Variants in PPP1R37 observed in about 807,000 individuals in gnomAD.
PPP1R37 encodes the protein leucine rich repeat containing 68.
PPP1R37 carries 21 observed loss-of-function variants against 61.0 expected under a neutral mutation model. That is an observed-to-expected ratio of 0.34 (90% CI 0.24 to 0.50). PPP1R37 has a LOEUF of 0.50. Ranked by LOEUF, PPP1R37 falls within the 20% of genes least tolerant of loss-of-function variation. The probability of loss-of-function intolerance (pLI) is 0.98; values close to 1 mark genes in which losing one functional copy is unlikely to be tolerated. For synonymous variants in PPP1R37, 443 were observed against 433.5 expected (o/e 1.02, Z -0.27); for missense variants, 910 against 952.7 (o/e 0.96, Z 0.59).
At chr19:45,102,820 A>C (rs1409693006) in intron 1 of PPP1R37, among the ~76,000 whole-genome samples, 1 of 152,198 alleles carries the variant, frequency 6.6e-6, no homozygotes, top group East Asian at 1.9e-4. Flanking sequence ...CCCTGCATCA[A>C]GTGTGGAGCT....
intron 1 of PPP1R37, among the ~76,000 whole-genome samples, chr19:45,109,617 A>G (rs1161585512): frequency 6.6e-6 from 1 of 152,198 alleles, no homozygotes; most frequent in Non-Finnish European, 1.5e-5. Flanking sequence ...GGCAGAAGCC[A>G]GGGCAGCCCT....
intron 1 of PPP1R37, among the ~76,000 whole-genome samples, chr19:45,125,860 C>A (rs538890199): frequency 6.6e-6 from 1 of 152,334 alleles, no homozygotes; most frequent in African/African-American, 2.4e-5. Context: ...TGGCCTCAGA[C>A]CTCTTCGTCC....
intron 1 of PPP1R37, among the ~76,000 whole-genome samples, chr19:45,120,324 C>G (rs1466396380): frequency 1.3e-5 from 2 of 152,120 alleles, no homozygotes; most frequent in Admixed American, 6.5e-5. Context: ...GCTTTCCCCA[C>G]TTCTTGCATA....
intron 1 of PPP1R37, among the ~76,000 whole-genome samples, chr19:45,132,277 A>G (rs1414169754): frequency 1.3e-5 from 2 of 152,110 alleles, no homozygotes; most frequent in Non-Finnish European, 2.9e-5. Context: ...AACAAGAGGA[A>G]TGTAAAAGCT....
chr19:45,138,858 G>A (rs940748732), intron 2 of PPP1R37, among the ~76,000 whole-genome samples: 4 of 151,672 alleles, frequency 2.6e-5, no homozygotes, highest in African/African-American at 9.7e-5. Context: ...CTGGGGAAGA[G>A]GCATATCTAC....
chr19:45,101,902 A>G (rs891771087), intron 1 of PPP1R37, among the ~76,000 whole-genome samples: 1 of 152,218 alleles, frequency 6.6e-6, no homozygotes, highest in Non-Finnish European at 1.5e-5. Flanking sequence ...CTTCTTCATC[A>G]GATTCCTCTG....
At chr19:45,120,367 C>G (rs1277616937) in intron 1 of PPP1R37, among the ~76,000 whole-genome samples, 1 of 152,120 alleles carries the variant, frequency 6.6e-6, no homozygotes, top group Non-Finnish European at 1.5e-5. Flanking sequence ...CCGTTCTGCA[C>G]CTTGCTTTTT....
chr19:45,133,937 C>T (rs1178341617), intron 1 of PPP1R37, among the ~76,000 whole-genome samples: 1 of 152,220 alleles, frequency 6.6e-6, no homozygotes, highest in Admixed American at 6.5e-5. Flanking sequence ...TGTGAAATGC[C>T]TCGGGTAGCA....
chr19:45,145,842 C>G lies in PPP1R37; in HGVS notation c.1786C>G (p.Pro596Ala). The G allele has an allele frequency of 6.9e-7, 1 of 1,456,376 alleles. No individual in the cohort carries two copies. The highest frequency in any genetic ancestry group is 9.2e-7 in the Non-Finnish European group (1 of 1,088,608). The allele number at this position is 1,456,376 out of a possible 1,614,324, so 90.2% of individuals were successfully genotyped here. Residue 596 changes from proline to alanine, a missense_variant, in exon 11 of 13, where the codon CCC (proline) becomes GCC (alanine). Pro to Ala is a conservative substitution (Grantham distance 27). Around this residue, in one of 3 missense-constraint regions of PPP1R37, gnomAD observed 549 missense variants for 505.1 expected, o/e 1.09. Coordinates refer to ENST00000221462, the MANE Select transcript of PPP1R37 (RefSeq NM_019121.2). The part of the protein sequence containing the change: ...SPTPPSPPPP[P>A]SPPASPSLPP... Reference sequence around the variant, plus strand: ...CACCCCTCCCTCTCCCCCACCCCCTCCCTCCCCACCCGCCTCACCTTCCCT... The same window carrying G: ...CACCCCTCCCTCTCCCCCACCCCCTGCCTCCCCACCCGCCTCACCTTCCCT...
chr19:45,099,967 G>A (rs1217473928), intron 1 of PPP1R37: 2 of 152,234 alleles, frequency 1.3e-5, no homozygotes, highest in Non-Finnish European at 2.9e-5. Context: ...GTGCGTCAGC[G>A]GGAGTGCGTG....
intron 1 of PPP1R37, among the ~76,000 whole-genome samples, chr19:45,095,376 A>AT (rs1040478611): frequency 6.6e-6 from 1 of 152,090 alleles, no homozygotes; most frequent in African/African-American, 2.4e-5. Context: ...ACCTCAGGTG[A>AT]TCTGCCCACT....
chr19:45,128,859 AC>A (rs1320262651), intron 1 of PPP1R37: 1 of 632,572 alleles, frequency 1.6e-6, no homozygotes, highest in Non-Finnish European at 3.0e-6. Flanking sequence ...CCAGGAAGGT[AC>A]CCCTCACTGC....
intron 1 of PPP1R37, among the ~76,000 whole-genome samples, chr19:45,127,083 C>T (rs1022515511): frequency 6.6e-6 from 1 of 152,208 alleles, no homozygotes; most frequent in Non-Finnish European, 1.5e-5. Context: ...GGCCTGGTGG[C>T]TCACACCTGT....
Position 45,138,551 on chromosome 19 carries a change from C to T in PPP1R37, c.240C>T (p.Tyr80=), listed in dbSNP as rs1408421799. The part of the protein sequence containing the change: ...NVTVDEVIGA[Y]KQACQKLNCR... ...CCGTGGACGAGGTCATCGGCGCCTA[C>T]AAGCAGGCCTGCCAGAAGCTGAACT... The change falls in exon 2 of 13, where the codon TAC becomes TAT. Residue 80 remains tyrosine (Y), a synonymous_variant. Transcript: ENST00000221462. The T allele has an allele frequency of 2.0e-6, 3 of 1,528,866 alleles. No individual in the cohort carries two copies. In the Admixed American group the frequency reaches 5.9e-5, roughly 30 times the overall value. The allele number at this position is 1,528,866 out of a possible 1,614,324, so 94.7% of individuals were successfully genotyped here.
At chr19:45,122,167 A>T (rs1009645419) in intron 1 of PPP1R37, among the ~76,000 whole-genome samples, 1 of 152,170 alleles carries the variant, frequency 6.6e-6, no homozygotes, top group Non-Finnish European at 1.5e-5. Flanking sequence ...GGAACTGGAC[A>T]CCTAGTGAAG....
At chr19:45,136,285 C>T (rs552571150) in intron 1 of PPP1R37, 2 of 152,280 alleles carry the variant, frequency 1.3e-5, no homozygotes, top group Admixed American at 6.5e-5. Context: ...AAATATCTGT[C>T]GTTTCTTTTC....
chr19:45,120,393 A>T (rs1029644533), intron 1 of PPP1R37, among the ~76,000 whole-genome samples: 1 of 151,786 alleles, frequency 6.6e-6, no homozygotes, highest in African/African-American at 2.4e-5. Context: ...TGTGTCTTGA[A>T]ACCTGTTCCC....
At chr19:45,101,488 C>T (rs1006333235) in intron 1 of PPP1R37, among the ~76,000 whole-genome samples, 1 of 152,098 alleles carries the variant, frequency 6.6e-6, no homozygotes, top group Non-Finnish European at 1.5e-5. Context: ...GAGCTCCAGG[C>T]GGGAAGATCA....
chr19:45,128,644 GT>G (rs1968438840), intron 1 of PPP1R37: 9 of 1,244,824 alleles, frequency 7.2e-6, no homozygotes, highest in Non-Finnish European at 1.0e-5. Flanking sequence ...TCAGCATTAT[GT>G]AACACTGGCT....
Sources: gnomAD v4.1 joint callset for allele counts (sites outside exome capture counted in the v4.1 genomes callset) on GRCh38, gnomAD v4.1.1 for gene constraint, gnomAD v4.1.1 regional missense constraint, MANE v1.5 for transcripts, NCBI Gene and HGNC (gene_info 2026-07-23, HGNC 2026-07-21) for gene names.